The following GLUL variants were observed in gnomAD, a reference collection of about 807,000 sequenced individuals.
GLUL encodes glutamine synthetase.
A neutral mutation model predicts 36.9 loss-of-function variants in GLUL; 8 were observed. That is an observed-to-expected ratio of 0.22 (90% CI 0.13 to 0.39). The LOEUF is 0.39. Ranked by LOEUF, GLUL falls within the 10% of genes least tolerant of loss-of-function variation. GLUL has a pLI of 1.00. For missense variants in GLUL, 315 were observed against 501.8 expected, an observed-to-expected ratio of 0.63 and a Z score of 3.56; for synonymous variants, 182 against 172.8, an observed-to-expected ratio of 1.05 and a Z score of -0.42.
chr1:182,386,092 A>C (rs1650169141), intron 4 of GLUL, 164 bp downstream of exon 4: 1 of 879,234 alleles, frequency 1.1e-6, no homozygotes, highest in Non-Finnish European at 1.9e-6. Flanking sequence ...ACCTTACTTT[A>C]TATATTCATA....
chr1:182,384,014 CT>C lies in GLUL; in HGVS notation c.*390del, dbSNP rs1471339609. The C allele has an allele frequency of 2.6e-5, 7 of 264,290 alleles. No homozygotes were observed. In the East Asian group the frequency reaches 6.3e-4, roughly 24 times the overall value. 16.4% of individuals were successfully genotyped at this position (264,290 alleles called of 1,614,324 possible). A position where few individuals can be genotyped will look rare whatever the true frequency, so the allele number is the denominator to read the frequency against. ...TTCCACCACGAGGGCAAGTCCTAAC[CT>C]AACCAGAGTACGTCAGGTCTTCCCC... On this transcript the variant is annotated 3_prime_UTR_variant, in exon 7 of 7. Coordinates refer to ENST00000331872, the MANE Select transcript of GLUL (RefSeq NM_001033044.4).
intron 1 of GLUL, 146 bp from the exon 2 acceptor site, chr1:182,388,896 G>A: frequency 8.5e-6 from 6 of 703,938 alleles, no homozygotes; most frequent in African/African-American, 1.7e-5. Flanking sequence ...AAAAAGTTAT[G>A]TTTACTCACT....
intron 6 of GLUL, 179 bp from the exon 7 acceptor site, chr1:182,384,902 T>C (rs1231583841): frequency 1.6e-6 from 1 of 641,110 alleles, no homozygotes; most frequent in East Asian, 2.7e-5. Flanking sequence ...AAGTTACTGT[T>C]TGTTGAAAAG....
Position 182,378,505 on chromosome 1 carries a change from A to G in GLUL, c.*5900T>C, listed in dbSNP as rs1187841324. Among the ~76,000 whole-genome samples, 1 of 152,198 alleles carries G rather than the reference A, an allele frequency of 6.6e-6. No homozygotes were observed. Among genetic ancestry groups the G allele is most frequent in the Non-Finnish European group, 1.5e-5 (1 of 68,050 alleles). ...ATTAATTGGAAAGAGTTGGCAGTAG[A>G]ACTTTAAGAACAATTATACCTTCTA... On this transcript the variant is annotated 3_prime_UTR_variant, in exon 7 of 7. Coordinates refer to ENST00000331872, the MANE Select transcript of GLUL (RefSeq NM_001033044.4).
At chr1:182,385,608 T>C (rs996169304) in intron 5 of GLUL, 52 bp from the exon 6 acceptor site, 12 of 1,570,770 alleles carry the variant, frequency 7.6e-6, no homozygotes, top group Non-Finnish European at 1.1e-5. Context: ...TCACTCCAAC[T>C]CAGAATCTCC....
At position 182,384,504 on chromosome 1, in the gene GLUL, G is replaced by A. The variant is rs765977725; in HGVS notation, c.1023C>T (p.Arg341=). The change falls in exon 7 of 7, where the codon CGC becomes CGT. Residue 341 remains arginine, a synonymous_variant. Transcript: ENST00000331872. ...AAAAGGGGTCGCAGTTGGCAGAGGG[G>A]CGACGATCTTCAAAGTAACCCTTCT... ...QEKKGYFEDR[R]PSANCDPFSV... 2 of 1,613,998 alleles carry A rather than the reference G, an allele frequency of 1.2e-6. No individual in the cohort carries two copies. Among genetic ancestry groups the A allele is most frequent in the Non-Finnish European group, 1.7e-6 (2 of 1,179,878 alleles).
At position 182,387,029 on chromosome 1, in the gene GLUL, A is replaced by T. The variant is rs1158643366; in HGVS notation, c.328+102T>A. On this transcript the variant is annotated intron_variant, in intron 3 of 6. Coordinates refer to ENST00000331872, the MANE Select transcript of GLUL (RefSeq NM_001033044.4). Reference sequence around the variant, plus strand: ...ACTCAGATTCTTAAAATAGTGCTGAAATTGCCTAGTCTTCCCAATGCTGAT... The same window carrying T: ...ACTCAGATTCTTAAAATAGTGCTGATATTGCCTAGTCTTCCCAATGCTGAT... 3.2e-5 allele frequency: 29 copies of T among 907,686 alleles called. No homozygotes were observed. The East Asian group carries it at 6.9e-4, about 22-fold the overall frequency. The allele number at this position is 907,686 out of a possible 1,614,324, so 56.2% of individuals were successfully genotyped here.
rs1650020478 is a variant in GLUL at position 182,383,361 on chromosome 1, C to A, written c.*1044G>T. On this transcript the variant is annotated 3_prime_UTR_variant, in exon 7 of 7. Coordinates refer to ENST00000331872, the MANE Select transcript of GLUL (RefSeq NM_001033044.4). ...ACATGCTATTCCTACCAGAAAATAA[C>A]CCCAATACCCCCTCTGTCAGTAACA... is the stretch of plus-strand genomic sequence containing the variant. 1 of 152,164 alleles carries A rather than the reference C, an allele frequency of 6.6e-6. No homozygotes were observed. The highest frequency in any genetic ancestry group is 2.4e-5 in the African/African-American group (1 of 41,438). The allele number at this position is 152,164 out of a possible 1,614,324, so 9.4% of individuals were successfully genotyped here.
intron 1 of GLUL, chr1:182,391,304 C>T: frequency 5.0e-6 from 2 of 398,500 alleles, no homozygotes; most frequent in Non-Finnish European, 8.9e-6. Flanking sequence ...CCACAGGGGA[C>T]CGCACCGCCA....
In GLUL at chr1:182,380,082, A is replaced by G. The variant is rs1649874193; in HGVS notation, c.*4323T>C. 6.6e-6 allele frequency among the ~76,000 whole-genome samples: 1 copy of G among 152,058 alleles called. No individual in the cohort carries two copies. Among genetic ancestry groups the G allele is most frequent in the Admixed American group, 6.6e-5 (1 of 15,258 alleles). ...CGGCTGGTCTCAAACTCCCGATCTC[A>G]GGTGATCCACCTGCCTCGGCCTCTC... On this transcript the variant is annotated 3_prime_UTR_variant, in exon 7 of 7. Transcript: ENST00000331872.
rs1410112585 is a variant in GLUL at position 182,384,234 on chromosome 1, C to T, written c.*171G>A. ...AGGTGTGAAGAAATTAATAACTTGA[C>T]CCCTCTATCCCAGCCAAACAAAGAA... is the stretch of plus-strand genomic sequence containing the variant. On this transcript the variant is annotated 3_prime_UTR_variant, in exon 7 of 7. Transcript: ENST00000331872. 4.6e-6 allele frequency: 3 copies of T among 648,966 alleles called. No individual in the cohort carries two copies. In the Admixed American group the frequency reaches 7.4e-5, roughly 16 times the overall value. 40.2% of individuals were successfully genotyped at this position (648,966 alleles called of 1,614,324 possible).
At position 182,384,174 on chromosome 1, in the gene GLUL, T is replaced by G; in HGVS notation, c.*231A>C. On this transcript the variant is annotated 3_prime_UTR_variant, in exon 7 of 7. Coordinates refer to ENST00000331872, the MANE Select transcript of GLUL (RefSeq NM_001033044.4). The stretch of plus-strand genomic sequence containing the variant: ...CCCACCCTCCTCCCCACTAATGCAC[T>G]AAAAAGCTTCAGTGATAGGGAAAAA... The G allele has an allele frequency of 1.9e-6, 1 of 525,668 alleles. No individual in the cohort carries two copies. 32.6% of individuals were successfully genotyped at this position (525,668 alleles called of 1,614,324 possible). A position where few individuals can be genotyped will look rare whatever the true frequency, so the allele number is the denominator to read the frequency against.
chr1:182,380,173 G>T lies in GLUL; in HGVS notation c.*4232C>A, dbSNP rs1281416029. On this transcript the variant is annotated 3_prime_UTR_variant, in exon 7 of 7. Coordinates refer to ENST00000331872, the MANE Select transcript of GLUL (RefSeq NM_001033044.4). ...GTTATAACTCTTAAAGCAACACAAG[G>T]CTCTTGGTAGCCTGATTACAATGAG... is the stretch of plus-strand genomic sequence containing the variant. Among the ~76,000 whole-genome samples, 4 of 152,134 alleles carry T rather than the reference G, an allele frequency of 2.6e-5. No homozygotes were observed.
intron 2 of GLUL, 125 bp downstream of exon 2, chr1:182,388,447 C>A: frequency 2.4e-6 from 2 of 833,310 alleles, no homozygotes; most frequent in Non-Finnish European, 4.1e-6. Flanking sequence ...GTCTGAAAAG[C>A]CCTGCCTTAG....
chr1:182,388,491 C>G, intron 2 of GLUL, 81 bp downstream of exon 2: 1 of 1,238,332 alleles, frequency 8.1e-7, no homozygotes, highest in Non-Finnish European at 1.2e-6. Flanking sequence ...GAGGCCTAAT[C>G]CAGAGGCTGA....
intron 3 of GLUL, 151 bp from the exon 4 acceptor site, chr1:182,386,553 C>T (rs554191593): frequency 1.4e-5 from 10 of 733,862 alleles, no homozygotes; most frequent in South Asian, 5.7e-5. Context: ...TTGGGATCAC[C>T]GAGTCAGAAA....
At chr1:182,390,519 T>C in intron 1 of GLUL, 1 of 399,078 alleles carries the variant, frequency 2.5e-6, no homozygotes, top group Non-Finnish European at 4.4e-6. Flanking sequence ...AAGTCAAGCG[T>C]ATCGTTAGGG....
In GLUL at chr1:182,387,074, C is replaced by T. The variant is rs566236605; in HGVS notation, c.328+57G>A. 2.5e-5 allele frequency: 33 copies of T among 1,324,364 alleles called. No homozygotes were observed. In the African/African-American group the frequency reaches 4.5e-4, roughly 18 times the overall value. 82.0% of individuals were successfully genotyped at this position (1,324,364 alleles called of 1,614,324 possible). A position where few individuals can be genotyped will look rare whatever the true frequency, so the allele number is the denominator to read the frequency against. On this transcript the variant is annotated intron_variant, in intron 3 of 6. Transcript: ENST00000331872. ...GCTGATTTCAGAATGTCTTCTCCCT[C>T]CCCTTCACAGCATTCACAGATTGAG... is the stretch of plus-strand genomic sequence containing the variant.
rs553392731 is a variant in GLUL, at chr1:182,382,377, A to C, written c.*2028T>G. 1 of 152,330 alleles carries C rather than the reference A, an allele frequency of 6.6e-6. No individual in the cohort carries two copies. Among genetic ancestry groups the C allele is most frequent in the East Asian group, 1.9e-4 (1 of 5,174 alleles). 9.4% of individuals were successfully genotyped at this position (152,330 alleles called of 1,614,324 possible). A position where few individuals can be genotyped will look rare whatever the true frequency, so the allele number is the denominator to read the frequency against. The stretch of plus-strand genomic sequence containing the variant: ...ACAACACAGAGCTTTTGAGAATCAC[A>C]ATCGGTCCACTGGTCTTCCTGCAAG... On this transcript the variant is annotated 3_prime_UTR_variant, in exon 7 of 7. Transcript: ENST00000331872.
Sources: gnomAD v4.1 joint callset for allele counts (sites outside exome capture counted in the v4.1 genomes callset) on GRCh38, gnomAD v4.1.1 for gene constraint, MANE v1.5 for transcripts, NCBI Gene and HGNC (gene_info 2026-07-23, HGNC 2026-07-21) for gene names.